The following TNFRSF8 variants were observed in gnomAD, a reference collection of about 807,000 sequenced individuals.
TNFRSF8 encodes TNF receptor superfamily member 8.
In TNFRSF8, 26 loss-of-function variants were observed where a neutral mutation model predicts 70.8. That is an observed-to-expected ratio of 0.37 (90% CI 0.27 to 0.51). The LOEUF (loss-of-function observed/expected upper bound fraction) is 0.51. Among genes scored for constraint, TNFRSF8 ranks in the 20% least tolerant of loss-of-function variants. The pLI is 0.94. For missense variants in TNFRSF8, 720 were observed against 807.9 expected (o/e 0.89, Z 1.32); for synonymous variants, 356 against 339.2 (o/e 1.05, Z -0.54).
chr1:12,063,579 C>A lies in TNFRSF8; in HGVS notation c.-20C>A, dbSNP rs181035575. 1,288 of 1,312,554 alleles carry A rather than the reference C, an allele frequency of 9.8e-4. 1 individual carries two copies. Among genetic ancestry groups the A allele is most frequent in the Non-Finnish European group, 1.2e-3 (1,203 of 1,023,096 alleles). The allele number at this position is 1,312,554 out of a possible 1,614,324, so 81.3% of individuals were successfully genotyped here. A position where few individuals can be genotyped will look rare whatever the true frequency, so the allele number is the denominator to read the frequency against. ...CAGGTGGGCGCCGGCCGCCAGGCCACCTCACGTCCGGCCCCGGGGATGCGC... is the reference window on the plus strand; with the variant it reads ...CAGGTGGGCGCCGGCCGCCAGGCCAACTCACGTCCGGCCCCGGGGATGCGC... On this transcript the variant is annotated 5_prime_UTR_variant, in exon 1 of 15. Coordinates refer to ENST00000263932, the MANE Select transcript of TNFRSF8 (RefSeq NM_001243.5). The surrounding 1 kb of genome is among the most constrained non-coding windows in gnomAD (Gnocchi z 7.2).
chr1:12,124,738 C>T (rs1641899488), intron 10 of TNFRSF8, among the ~76,000 whole-genome samples: 1 of 152,130 alleles, frequency 6.6e-6, no homozygotes, highest in Non-Finnish European at 1.5e-5. Flanking sequence ...AGGAGAATCG[C>T]TTGAACCCGG....
intron 1 of TNFRSF8, among the ~76,000 whole-genome samples, chr1:12,064,678 A>G (rs1640707285): frequency 6.6e-6 from 1 of 152,306 alleles, no homozygotes; most frequent in Middle Eastern, 3.4e-3. Flanking sequence ...GGAGAGTGGC[A>G]GAGTGGGCTT....
chr1:12,117,693 T>C (rs79868618), intron 8 of TNFRSF8, among the ~76,000 whole-genome samples: 3,119 of 152,302 alleles, frequency 0.02, 114 homozygotes, highest in African/African-American at 0.071. Context: ...TCCTTAGGAT[T>C]TTATTTTGTT....
intron 1 of TNFRSF8, among the ~76,000 whole-genome samples, chr1:12,082,574 A>C (rs1641084947): frequency 6.6e-6 from 1 of 151,346 alleles, no homozygotes; most frequent in African/African-American, 2.4e-5. Flanking sequence ...CAAAAACAAA[A>C]CAAAAAAAAC....
At chr1:12,106,299 C>T (rs1217985816) in intron 4 of TNFRSF8, among the ~76,000 whole-genome samples, 1 of 152,168 alleles carries the variant, frequency 6.6e-6, no homozygotes, top group Non-Finnish European at 1.5e-5. Flanking sequence ...GTGCTGTTCT[C>T]TCTGTCGGAG....
At chr1:12,066,677 C>T (rs1354471782) in intron 1 of TNFRSF8, among the ~76,000 whole-genome samples, 1 of 142,692 alleles carries the variant, frequency 7.0e-6, no homozygotes, top group African/African-American at 2.6e-5. Flanking sequence ...TTTTTTGGGA[C>T]AGTCTCACTT....
chr1:12,116,837 A>G (rs960102590), intron 8 of TNFRSF8, among the ~76,000 whole-genome samples: 2 of 151,978 alleles, frequency 1.3e-5, no homozygotes, highest in African/African-American at 4.8e-5. Context: ...AGGTCACCCA[A>G]TGTGACTCTG....
chr1:12,079,907 T>C (rs1641033332), intron 1 of TNFRSF8, among the ~76,000 whole-genome samples: 1 of 150,358 alleles, frequency 6.7e-6, no homozygotes, highest in South Asian at 2.1e-4. Flanking sequence ...CATATACTTA[T>C]CACTACTTTA....
chr1:12,115,458 A>C, intron 7 of TNFRSF8, 119 bp from the exon 8 acceptor site: 1 of 1,113,020 alleles, frequency 9.0e-7, no homozygotes, highest in Non-Finnish European at 1.4e-6. Context: ...TCAGACGAGC[A>C]TTTATTTTCT....
rs1261733237 is a variant in TNFRSF8, at chr1:12,119,771, C to T, written c.947-3513C>T. ...CATGAGCCACCATGACTGGCCGATT[C>T]TTGTACAAGTCTTTGGGTGGATGTA... On this transcript the variant is annotated intron_variant, in intron 8 of 14. Coordinates refer to ENST00000263932, the MANE Select transcript of TNFRSF8 (RefSeq NM_001243.5). The surrounding 1 kb of genome is among the most constrained non-coding windows in gnomAD (Gnocchi z 4.4). Among the ~76,000 whole-genome samples, 1 of 151,928 alleles carries T rather than the reference C, an allele frequency of 6.6e-6. No homozygotes were observed. Among genetic ancestry groups the T allele is most frequent in the Non-Finnish European group, 1.5e-5 (1 of 67,978 alleles).
chr1:12,122,233 G>A (rs1262154866), intron 8 of TNFRSF8, among the ~76,000 whole-genome samples: 1 of 152,054 alleles, frequency 6.6e-6, no homozygotes, highest in Non-Finnish European at 1.5e-5. Flanking sequence ...GTCTTGCTAT[G>A]TTGCTTAGGC....
At chr1:12,091,353 C>G (rs1208074721) in intron 2 of TNFRSF8, among the ~76,000 whole-genome samples, 1 of 152,166 alleles carries the variant, frequency 6.6e-6, no homozygotes, top group East Asian at 1.9e-4. Context: ...GCAACTGGGG[C>G]TTAATCCCTC....
chr1:12,099,301 C>T (rs11121858), intron 3 of TNFRSF8, among the ~76,000 whole-genome samples: 18,819 of 152,014 alleles, frequency 0.12, 1,279 homozygotes, highest in East Asian at 0.27. Flanking sequence ...TGCACCACCA[C>T]GCCTGGCTAA....
At position 12,078,998 on chromosome 1, in the gene TNFRSF8, C is replaced by T. The variant is rs149545186; in HGVS notation, c.64-5466C>T. ...CGGGGCCTCACCTTGAATAACAGAGCGCACAGCGGTGGAGATCCCCAGGAG... is the reference window on the plus strand; with the variant it reads ...CGGGGCCTCACCTTGAATAACAGAGTGCACAGCGGTGGAGATCCCCAGGAG... On this transcript the variant is annotated intron_variant, in intron 1 of 14. Transcript: ENST00000263932. Among the ~76,000 whole-genome samples, 405 of 152,244 alleles carry T rather than the reference C, an allele frequency of 2.7e-3. 2 individuals are homozygous for T. Among genetic ancestry groups the T allele is most frequent in the African/African-American group, 8.4e-3 (350 of 41,538 alleles).
chr1:12,094,058 CAAAAAAAA>C (rs778868213), intron 2 of TNFRSF8, among the ~76,000 whole-genome samples: 2 of 84,678 alleles, frequency 2.4e-5, no homozygotes, highest in Admixed American at 1.4e-4. Flanking sequence ...GACTTTGTCT[CAAAAAAAA>C]AAAAAAAAAA....
intron 2 of TNFRSF8, among the ~76,000 whole-genome samples, chr1:12,089,389 G>A (rs1641207962): frequency 6.6e-6 from 1 of 152,182 alleles, no homozygotes; most frequent in African/African-American, 2.4e-5. Context: ...GCCTCACAGG[G>A]CCAAGCTTCC....
At chr1:12,075,187 T>A (rs1453516404) in intron 1 of TNFRSF8, among the ~76,000 whole-genome samples, 1 of 151,480 alleles carries the variant, frequency 6.6e-6, no homozygotes, top group Non-Finnish European at 1.5e-5. Flanking sequence ...GAGGTTATAG[T>A]GAGCCGAGAT....
intron 3 of TNFRSF8, among the ~76,000 whole-genome samples, chr1:12,101,686 GT>G (rs35119614): frequency 0.22 from 33,235 of 151,376 alleles, 5,625 homozygotes; most frequent in African/African-American, 0.47. Context: ...CTCTTTTATT[GT>G]TTTTTTTGTT....
At position 12,088,466 on chromosome 1, in the gene TNFRSF8, T is replaced by C. The variant is rs555962305; in HGVS notation, c.151+3915T>C. The stretch of plus-strand genomic sequence containing the variant: ...GACCACCGAGTGCAGTCTCCTGAGC[T>C]CTTCAACTGTAGTTGATACTGACCC... On this transcript the variant is annotated intron_variant, in intron 2 of 14. Transcript: ENST00000263932. The surrounding 1 kb of genome is among the most constrained non-coding windows in gnomAD (Gnocchi z 4.0). Among the ~76,000 whole-genome samples, 1 of 152,026 alleles carries C rather than the reference T, an allele frequency of 6.6e-6. No individual in the cohort carries two copies. Among genetic ancestry groups the C allele is most frequent in the Admixed American group, 6.5e-5 (1 of 15,294 alleles).
Sources: allele counts gnomAD v4.1 joint callset (sites outside exome capture counted in the v4.1 genomes callset), GRCh38; gene constraint gnomAD v4.1.1; non-coding constraint Gnocchi (gnomAD v3.1); transcripts MANE v1.5; gene names NCBI Gene and HGNC (gene_info 2026-07-23, HGNC 2026-07-21).